SLCO1B3: variants seen among roughly 807,000 people sequenced by gnomAD.
The protein encoded by SLCO1B3 is liver-specific organic anion transporter 2.
A neutral mutation model predicts 71.8 loss-of-function variants in SLCO1B3; 72 were observed. That is an observed-to-expected ratio of 1.00 (90% CI 0.83 to 1.22). The LOEUF is 1.22. Among genes scored for constraint, SLCO1B3 ranks in the 50% most tolerant of loss-of-function variants. SLCO1B3 has a pLI of 0.00. For synonymous variants in SLCO1B3, 298 were observed against 278.4 expected (o/e 1.07, Z -0.70); for missense variants, 911 against 819.7 (o/e 1.11, Z -1.36).
intron 8 of SLCO1B3, among the ~76,000 whole-genome samples, chr12:20,867,685 TA>T (rs1446788271): frequency 1.3e-5 from 2 of 152,206 alleles, no homozygotes; most frequent in Non-Finnish European, 2.9e-5. Context: ...GAAGCTTCTG[TA>T]ATGTGGGCAC....
chr12:20,846,179 C>T (rs865820162), intron 3 of SLCO1B3, among the ~76,000 whole-genome samples: 1 of 151,896 alleles, frequency 6.6e-6, no homozygotes, highest in Middle Eastern at 3.2e-3. Flanking sequence ...ACATTGTTTT[C>T]CTTTATATCA....
chr12:20,886,466 A>G (rs1865795230), intron 13 of SLCO1B3, among the ~76,000 whole-genome samples: 1 of 152,078 alleles, frequency 6.6e-6, no homozygotes, highest in Non-Finnish European at 1.5e-5. Flanking sequence ...GAAGGAGAGG[A>G]CACTAAAGGA....
chr12:20,875,296 T>G lies in SLCO1B3; in HGVS notation c.789T>G (p.Leu263=), dbSNP rs1865556455. Residue 263 remains leucine (L), a synonymous_variant, in exon 9 of 16, where the codon CTT becomes CTG. Coordinates refer to ENST00000381545, the MANE Select transcript of SLCO1B3 (RefSeq NM_019844.4). ...RWVGAWWLGF[L]VSGLFSIISS... ...TTGGAGCTTGGTGGCTTGGTTTCCT[T>G]GTGTCTGGACTATTTTCCATTATTT... 6.2e-7 allele frequency: 1 copy of G among 1,613,518 alleles called. No homozygotes were observed. Among genetic ancestry groups the G allele is most frequent in the Non-Finnish European group, 8.5e-7 (1 of 1,179,576 alleles).
At chr12:20,841,546 T>G (rs1864802108) in intron 3 of SLCO1B3, among the ~76,000 whole-genome samples, 7 of 152,150 alleles carry the variant, frequency 4.6e-5, no homozygotes, top group Admixed American at 4.6e-4. Context: ...GATACCTACT[T>G]TTTGCAACCT....
intron 13 of SLCO1B3, among the ~76,000 whole-genome samples, 189 bp downstream of exon 13, chr12:20,883,791 A>G (rs959144668): frequency 1.2e-4 from 19 of 152,126 alleles, no homozygotes; most frequent in Admixed American, 1.2e-3. Flanking sequence ...TAATACTTCC[A>G]TTGTCAAATC....
At chr12:20,835,171 G>A (rs10841666) in intron 3 of SLCO1B3, among the ~76,000 whole-genome samples, 69,579 of 151,928 alleles carry the variant, frequency 0.46, 17,985 homozygotes, top group South Asian at 0.64. Context: ...AGGGCACCAA[G>A]TCATGAGACT....
At chr12:20,850,749 C>T (rs184056208) in intron 3 of SLCO1B3, among the ~76,000 whole-genome samples, 10 of 152,218 alleles carry the variant, frequency 6.6e-5, no homozygotes, top group African/African-American at 9.6e-5. Context: ...TAAGTGAGAA[C>T]GTGCAATATT....
intron 13 of SLCO1B3, among the ~76,000 whole-genome samples, chr12:20,884,927 A>G (rs1313639981): frequency 3.9e-5 from 6 of 152,158 alleles, no homozygotes; most frequent in Non-Finnish European, 7.4e-5. Flanking sequence ...CTTCATCTTA[A>G]TATAAAATGT....
chr12:20,906,603 A>G (rs1366821491), intron 15 of SLCO1B3, among the ~76,000 whole-genome samples: 1 of 152,222 alleles, frequency 6.6e-6, no homozygotes, highest in Admixed American at 6.5e-5. Flanking sequence ...GGAGATCTCC[A>G]TACAGTTTTC....
chr12:20,875,206 G>T (rs1210967600), intron 8 of SLCO1B3, 29 bp from the exon 9 acceptor site: 9 of 1,610,170 alleles, frequency 5.6e-6, no homozygotes, highest in Non-Finnish European at 7.6e-6. Context: ...AACGATTTTT[G>T]ACTGGCTTCT....
chr12:20,866,384 CT>C (rs1865373628), intron 8 of SLCO1B3, among the ~76,000 whole-genome samples: 1 of 152,048 alleles, frequency 6.6e-6, no homozygotes, highest in East Asian at 1.9e-4. Context: ...AGTGCAATAG[CT>C]TTTTATATCA....
rs1287266268 is a variant in SLCO1B3 at position 20,855,143 on chromosome 12, G to T, written c.200G>T (p.Gly67Val). 1.2e-6 allele frequency: 2 copies of T among 1,608,600 alleles called. No homozygotes were observed. The highest frequency in any genetic ancestry group is 4.5e-5 in the East Asian group (2 of 44,824). Reference sequence around the variant, plus strand: ...TTTGACATATCCTCTTCTCTTGCTGGTTTAATTGATGGAAGCTTTGAAATT... The same window carrying T: ...TTTGACATATCCTCTTCTCTTGCTGTTTTAATTGATGGAAGCTTTGAAATT... Reference protein sequence around the residue: ...RRFDISSSLAGLIDGSFEIGN... With the variant: ...RRFDISSSLAVLIDGSFEIGN... Residue 67 changes from glycine to valine, a missense_variant, in exon 4 of 16, where the codon GGT (glycine) becomes GTT (valine). Physicochemically the swap from Gly to Val is moderately radical, Grantham distance 109 (BLOSUM62 -3). Transcript: ENST00000381545.
At chr12:20,850,207 A>G (rs908363025) in intron 3 of SLCO1B3, among the ~76,000 whole-genome samples, 1 of 150,584 alleles carries the variant, frequency 6.6e-6, no homozygotes, top group African/African-American at 2.4e-5. Context: ...TATATAGGTA[A>G]ATTGTGTGTT....
intron 3 of SLCO1B3, among the ~76,000 whole-genome samples, chr12:20,820,718 G>T (rs1035786953): frequency 6.6e-6 from 1 of 152,130 alleles, no homozygotes; most frequent in South Asian, 2.1e-4. Flanking sequence ...TGTATATTGA[G>T]AATAAGATGG....
chr12:20,825,798 C>CAAAAAAAA (rs3060437), intron 3 of SLCO1B3, among the ~76,000 whole-genome samples: 1 of 86,202 alleles, frequency 1.2e-5, no homozygotes, highest in Non-Finnish European at 2.2e-5. Flanking sequence ...GACTCTGTCT[C>CAAAAAAAA]AAAAAAAAAA....
intron 5 of SLCO1B3, 190 bp downstream of exon 5, chr12:20,858,761 T>C: frequency 5.2e-6 from 2 of 382,440 alleles, no homozygotes; most frequent in Non-Finnish European, 9.1e-6. Flanking sequence ...TTTCTTTATT[T>C]ATCATGGCTT....
chr12:20,811,770 T>A lies in SLCO1B3; in HGVS notation c.-181+1006T>A, dbSNP rs551019242. 1.1e-4 allele frequency among the ~76,000 whole-genome samples: 16 copies of A among 152,278 alleles called. 1 individual carries two copies. Among genetic ancestry groups the A allele is most frequent in the South Asian group, 1.0e-3 (5 of 4,830 alleles). On this transcript the variant is annotated intron_variant, in intron 1 of 15. Coordinates refer to ENST00000381545, the MANE Select transcript of SLCO1B3 (RefSeq NM_019844.4). ...ATGTCAATAATTTGGAACTCAGAAATAATATGTTCAGAGCAAAATATATTA... is the reference window on the plus strand; with the variant it reads ...ATGTCAATAATTTGGAACTCAGAAAAAATATGTTCAGAGCAAAATATATTA...
chr12:20,888,741 G>A (rs1490646360), intron 13 of SLCO1B3, among the ~76,000 whole-genome samples: 1 of 152,006 alleles, frequency 6.6e-6, no homozygotes, highest in East Asian at 1.9e-4. Context: ...TACGAGTAGT[G>A]AAAGTGGGCA....
At chr12:20,871,166 T>C (rs1286333841) in intron 8 of SLCO1B3, among the ~76,000 whole-genome samples, 1 of 152,172 alleles carries the variant, frequency 6.6e-6, no homozygotes, top group African/African-American at 2.4e-5. Context: ...GTTTGTTTGA[T>C]TTTGGTATCA....
Sources: allele counts gnomAD v4.1 joint callset (sites outside exome capture counted in the v4.1 genomes callset), GRCh38; gene constraint gnomAD v4.1.1; transcripts MANE v1.5; gene names NCBI Gene and HGNC (gene_info 2026-07-23, HGNC 2026-07-21).